Variants in PHF21B observed in about 807,000 individuals in gnomAD.
The protein encoded by PHF21B is PHD finger protein 21B, also known as PHD finger protein 4.
A neutral mutation model predicts 62.2 loss-of-function variants in PHF21B; 22 were observed. That is an observed-to-expected ratio of 0.35 (90% CI 0.25 to 0.51). The LOEUF is 0.51. PHF21B is among the 20% of genes least tolerant of loss of function. The pLI is 0.97. For missense variants in PHF21B, 701 were observed against 707.9 expected (o/e 0.99, Z 0.11); for synonymous variants, 341 against 314.7 (o/e 1.08, Z -0.88).
chr22:44,933,327 T>C (rs1385013824), intron 2 of PHF21B: 3 of 395,492 alleles, frequency 7.6e-6, no homozygotes, highest in Non-Finnish European at 6.9e-6. Context: ...GTCAGGCTGG[T>C]CTCGAACTCC....
chr22:45,008,316 G>A, intron 2 of PHF21B: 3 of 389,780 alleles, frequency 7.7e-6, no homozygotes, highest in East Asian at 3.9e-5. Flanking sequence ...TGCCTTTTAA[G>A]TGAGCTCCTC....
intron 2 of PHF21B, among the ~76,000 whole-genome samples, chr22:44,927,846 C>T (rs2071662609): frequency 6.6e-6 from 1 of 152,172 alleles, no homozygotes; most frequent in Admixed American, 6.5e-5. Context: ...ACTTCAAGAT[C>T]AATGAGCTTG....
Position 44,888,044 on chromosome 22 carries a change from C to A in PHF21B, c.1116G>T (p.Gly372=). Residue 372 remains glycine (G), a synonymous_variant, in exon 10 of 13, where the codon GGG becomes GGT. Coordinates refer to ENST00000313237, the MANE Select transcript of PHF21B (RefSeq NM_138415.5). Reference sequence around the variant, plus strand: ...GCTCCAGGCAGCTGAGGTGGTAGGCCCCCGGGCAGGTGCCGCAGGGCTGCA... The same window carrying A: ...GCTCCAGGCAGCTGAGGTGGTAGGCACCCGGGCAGGTGCCGCAGGGCTGCA... ...ANLQPCGTCP[G]AYHLSCLEPP... 6.4e-7 allele frequency: 1 copy of A among 1,556,328 alleles called. No homozygotes were observed. Among genetic ancestry groups the A allele is most frequent in the East Asian group, 2.4e-5 (1 of 42,068 alleles).
intron 10 of PHF21B, among the ~76,000 whole-genome samples, chr22:44,886,960 G>C (rs954739590): frequency 6.6e-5 from 10 of 152,042 alleles, no homozygotes; most frequent in African/African-American, 2.4e-4. Context: ...TTTGAGACCA[G>C]CCTGGCCAAC....
chr22:44,892,314 A>T (rs2070980572), intron 7 of PHF21B, among the ~76,000 whole-genome samples: 1 of 152,230 alleles, frequency 6.6e-6, no homozygotes, highest in Non-Finnish European at 1.5e-5. Flanking sequence ...TTCTCAGAAC[A>T]GGAGCGGGGC....
At chr22:45,003,408 C>CT (rs1282078703) in intron 2 of PHF21B, 1 of 151,958 alleles carries the variant, frequency 6.6e-6, no homozygotes, top group Non-Finnish European at 1.5e-5. Context: ...AGGGAGCTTA[C>CT]AGTCTAGCAC....
chr22:44,952,070 C>T (rs1033195979), intron 2 of PHF21B, among the ~76,000 whole-genome samples: 4 of 152,112 alleles, frequency 2.6e-5, no homozygotes, highest in Non-Finnish European at 5.9e-5. Context: ...TGGCTGGGTA[C>T]GGTGGCTCAC....
chr22:44,977,592 T>C (rs1323407737), intron 2 of PHF21B, among the ~76,000 whole-genome samples: 1 of 151,884 alleles, frequency 6.6e-6, no homozygotes, highest in African/African-American at 2.4e-5. Flanking sequence ...TATCGCTTGT[T>C]TTTTGGGATG....
rs938697240 is a variant in PHF21B at position 44,913,779 on chromosome 22, C to T, written c.831+43G>A. The T allele has an allele frequency of 3.2e-6, 5 of 1,578,682 alleles. No individual in the cohort carries two copies. In the African/African-American group the frequency reaches 4.1e-5, roughly 13 times the overall value. On this transcript the variant is annotated intron_variant, in intron 5 of 12. Transcript: ENST00000313237. ...ACACAGCGGCCTCAGATGGCACCTG[C>T]AGACTGAGCAGGGCCTGGGCCCTCC... is the stretch of plus-strand genomic sequence containing the variant.
At chr22:44,996,347 C>G (rs1796352683) in intron 2 of PHF21B, among the ~76,000 whole-genome samples, 1 of 152,192 alleles carries the variant, frequency 6.6e-6, no homozygotes, top group Non-Finnish European at 1.5e-5. Context: ...CGTACAACTG[C>G]TGGTTGGTGC....
intron 10 of PHF21B, 48 bp from the exon 11 acceptor site, chr22:44,885,986 G>C (rs1404823957): frequency 6.4e-7 from 1 of 1,562,026 alleles, no homozygotes; most frequent in Non-Finnish European, 8.8e-7. Flanking sequence ...CCTGGGACCT[G>C]CTGGGACTGT....
intron 2 of PHF21B, among the ~76,000 whole-genome samples, chr22:44,996,585 G>C (rs1355757999): frequency 6.6e-6 from 1 of 151,948 alleles, no homozygotes; most frequent in Non-Finnish European, 1.5e-5. Flanking sequence ...GTCACACCGA[G>C]AGGAAGGGTC....
chr22:44,902,725 T>A lies in PHF21B; in HGVS notation c.832-6642A>T, dbSNP rs2071182140. 2.6e-5 allele frequency among the ~76,000 whole-genome samples: 4 copies of A among 152,136 alleles called. No individual in the cohort carries two copies. The South Asian group carries it at 8.3e-4, about 31-fold the overall frequency. Reference sequence around the variant, plus strand: ...TTAGTGCTGATTGTTTCATTAAGTTTTTTTTAAAAAATCACAGCAGGATAT... The same window carrying A: ...TTAGTGCTGATTGTTTCATTAAGTTATTTTTAAAAAATCACAGCAGGATAT... On this transcript the variant is annotated intron_variant, in intron 5 of 12. Coordinates refer to ENST00000313237, the MANE Select transcript of PHF21B (RefSeq NM_138415.5).
At chr22:44,884,412 ACC>A (rs2070810450) in intron 12 of PHF21B, among the ~76,000 whole-genome samples, 1 of 56,552 alleles carries the variant, frequency 1.8e-5, no homozygotes, top group Non-Finnish European at 4.6e-5. Context: ...CACCACCATC[ACC>A]ACCACCATGA....
At position 44,913,912 on chromosome 22, in the gene PHF21B, C is replaced by T; in HGVS notation, c.741G>A (p.Glu247=). 1 of 1,613,804 alleles carries T rather than the reference C, an allele frequency of 6.2e-7. No individual in the cohort carries two copies. The highest frequency in any genetic ancestry group is 8.5e-7 in the Non-Finnish European group (1 of 1,179,980). Reference sequence around the variant, plus strand: ...ATGGCTCCTCTGTGGGCGGCCGCGACTCTGCCGTGCTCTCGGGCTGCGTCT... The same window carrying T: ...ATGGCTCCTCTGTGGGCGGCCGCGATTCTGCCGTGCTCTCGGGCTGCGTCT... ...QVQTQPESTA[E]SRPPTEEPSQ... is the part of the protein sequence containing the mutation. Residue 247 remains glutamate (E), a synonymous_variant, in exon 5 of 13, where the codon GAG becomes GAA. Transcript: ENST00000313237.
intron 2 of PHF21B, among the ~76,000 whole-genome samples, chr22:44,968,395 G>C (rs2072571683): frequency 6.6e-6 from 1 of 152,166 alleles, no homozygotes; most frequent in Non-Finnish European, 1.5e-5. Context: ...TGTAATCTCA[G>C]GACTTTAGGA....
intron 7 of PHF21B, among the ~76,000 whole-genome samples, 191 bp downstream of exon 7, chr22:44,893,266 C>G (rs945734053): frequency 1.3e-5 from 2 of 152,224 alleles, no homozygotes; most frequent in African/African-American, 4.8e-5. Flanking sequence ...CCGCATCTTC[C>G]TATCAATTGA....
intron 5 of PHF21B, 94 bp downstream of exon 5, chr22:44,913,728 C>A (rs1419869622): frequency 6.8e-7 from 1 of 1,466,116 alleles, no homozygotes; most frequent in African/African-American, 1.4e-5. Context: ...GTCGGGACCA[C>A]CCCACAGTGA....
intron 2 of PHF21B, chr22:45,003,698 G>A (rs997730796): frequency 2.6e-5 from 4 of 152,268 alleles, no homozygotes; most frequent in Admixed American, 2.6e-4. Flanking sequence ...AGGGCCCAGA[G>A]TAGACGCAGC....
Sources: gnomAD v4.1 joint callset for allele counts (sites outside exome capture counted in the v4.1 genomes callset) on GRCh38, gnomAD v4.1.1 for gene constraint, MANE v1.5 for transcripts, NCBI Gene and HGNC (gene_info 2026-07-23, HGNC 2026-07-21) for gene names.